CDH18: variants seen among roughly 807,000 people sequenced by gnomAD.
The protein encoded by CDH18 is cadherin-18.
Under a neutral mutation model 67.9 loss-of-function variants are expected in CDH18, and 31 were observed. The ratio of observed to expected loss-of-function variants is 0.46; its 90% CI spans 0.34 to 0.62. The LOEUF (loss-of-function observed/expected upper bound fraction) is 0.62, where lower values mean the gene tolerates loss of function less well. CDH18 is among the 20% of genes least tolerant of loss of function. The pLI is 0.01. For synonymous variants in CDH18, 362 were observed against 347.2 expected (o/e 1.04, Z -0.48); for missense variants, 890 against 975.5 (o/e 0.91, Z 1.17).
intron 4 of CDH18, among the ~76,000 whole-genome samples, chr5:19,729,147 CACTA>C (rs1287605603): frequency 1.3e-5 from 2 of 152,102 alleles, no homozygotes; most frequent in Non-Finnish European, 1.5e-5. Flanking sequence ...TTATTTATGG[CACTA>C]ACTAATGTGA....
intron 4 of CDH18, among the ~76,000 whole-genome samples, chr5:19,731,902 C>A (rs1767646538): frequency 6.6e-6 from 1 of 151,940 alleles, no homozygotes; most frequent in East Asian, 1.9e-4. Context: ...CCAGCCTGGG[C>A]AACATGGCAA....
At chr5:19,489,217 A>T (rs28640200) in intron 11 of CDH18, among the ~76,000 whole-genome samples, 26,718 of 151,250 alleles carry the variant, frequency 0.18, 2,561 homozygotes, top group African/African-American at 0.22. Flanking sequence ...GGAGATTAGT[A>T]ATCAATCTGT....
intron 2 of CDH18, among the ~76,000 whole-genome samples, chr5:20,226,807 G>A (rs1040461637): frequency 6.6e-6 from 1 of 151,920 alleles, no homozygotes; most frequent in Non-Finnish European, 1.5e-5. Context: ...AACTGTTTAA[G>A]TGTCAGCAGA....
intron 2 of CDH18, among the ~76,000 whole-genome samples, chr5:20,039,346 C>A (rs1740195599): frequency 6.6e-6 from 1 of 152,036 alleles, no homozygotes; most frequent in African/African-American, 2.4e-5. Context: ...AAAAAAACTA[C>A]TTTAAATTTC....
In CDH18 at chr5:19,926,037, T is replaced by C. The variant is rs528464398; in HGVS notation, c.-257+55023A>G. 4.5e-4 allele frequency among the ~76,000 whole-genome samples: 68 copies of C among 152,268 alleles called. 2 individuals are homozygous for C. Among genetic ancestry groups the C allele is most frequent in the Middle Eastern group, 3.4e-3 (1 of 294 alleles). On this transcript the variant is annotated intron_variant, in intron 2 of 12. Coordinates refer to ENST00000382275, the MANE Select transcript of CDH18 (RefSeq NM_004934.5). ...TCAACTTTTTTTTATTCATGACATA[T>C]CAACTTTAAAAATATTTTTACGGTA... is the stretch of plus-strand genomic sequence containing the variant.
At chr5:19,896,889 G>A (rs1789401738) in intron 2 of CDH18, among the ~76,000 whole-genome samples, 1 of 151,994 alleles carries the variant, frequency 6.6e-6, no homozygotes, top group South Asian at 2.1e-4. Flanking sequence ...GAGTACATGG[G>A]ATTTCTCTGT....
intron 1 of CDH18, among the ~76,000 whole-genome samples, chr5:20,547,105 C>T (rs1757384418): frequency 6.6e-6 from 1 of 152,040 alleles, no homozygotes; most frequent in Non-Finnish European, 1.5e-5. Context: ...AATCACCACG[C>T]TTTAAAACTG....
intron 8 of CDH18, among the ~76,000 whole-genome samples, chr5:19,561,170 A>T (rs1171091153): frequency 6.6e-6 from 1 of 152,176 alleles, no homozygotes; most frequent in Non-Finnish European, 1.5e-5. Context: ...ATCTACCCAT[A>T]GGAAAAGAAG....
chr5:19,966,713 G>C lies in CDH18; in HGVS notation c.-257+14347C>G, dbSNP rs1007266818. 1.2e-4 allele frequency among the ~76,000 whole-genome samples: 18 copies of C among 151,952 alleles called. 1 individual carries two copies. Among genetic ancestry groups the C allele is most frequent in the Middle Eastern group, 3.4e-3 (1 of 292 alleles). ...TTTTCTTTCCAATAGTAAACTACTA[G>C]TTATTATTTTCAAGAGTTATATATG... On this transcript the variant is annotated intron_variant, in intron 2 of 12. Coordinates refer to ENST00000382275, the MANE Select transcript of CDH18 (RefSeq NM_004934.5).
At position 19,690,509 on chromosome 5, in the gene CDH18, T is replaced by C. The variant is rs1320957605; in HGVS notation, c.643+30838A>G. On this transcript the variant is annotated intron_variant, in intron 5 of 12. Transcript: ENST00000382275. ...ACACAAAGTCAACCAAATGAAAAAT[T>C]TGTCTTTTAAAAAGATAAAGTCAGT... 2.6e-5 allele frequency among the ~76,000 whole-genome samples: 4 copies of C among 151,510 alleles called. No individual in the cohort carries two copies. In the East Asian group the frequency reaches 7.8e-4, roughly 29 times the overall value.
chr5:19,636,302 G>C (rs538767344), intron 5 of CDH18, among the ~76,000 whole-genome samples: 5 of 151,842 alleles, frequency 3.3e-5, no homozygotes, highest in African/African-American at 1.2e-4. Context: ...AAAGTGGTAT[G>C]GCTACCTCTA....
chr5:19,660,017 G>A (rs1378252695), intron 5 of CDH18, among the ~76,000 whole-genome samples: 1 of 151,980 alleles, frequency 6.6e-6, no homozygotes, highest in East Asian at 1.9e-4. Context: ...AAGCTAAAAT[G>A]TTTCAATTTT....
intron 2 of CDH18, among the ~76,000 whole-genome samples, chr5:20,029,822 A>G (rs1325081081): frequency 6.6e-6 from 1 of 152,208 alleles, no homozygotes; most frequent in Non-Finnish European, 1.5e-5. Context: ...AGTCCTATAT[A>G]TAAGAAGCAA....
intron 5 of CDH18, among the ~76,000 whole-genome samples, chr5:19,615,223 A>G (rs350673): frequency 1 from 151,725 of 151,990 alleles, 75,730 homozygotes; most frequent in Non-Finnish European, 1. Flanking sequence ...GACCCCTCCT[A>G]GAGACATATA....
At chr5:20,041,130 C>G (rs1394510126) in intron 2 of CDH18, among the ~76,000 whole-genome samples, 1 of 152,142 alleles carries the variant, frequency 6.6e-6, no homozygotes, top group Non-Finnish European at 1.5e-5. Flanking sequence ...CAACATGATT[C>G]TAGAATCGGG....
At chr5:19,806,015 A>G (rs551402521) in intron 3 of CDH18, among the ~76,000 whole-genome samples, 3 of 152,150 alleles carry the variant, frequency 2.0e-5, no homozygotes, top group Non-Finnish European at 4.4e-5. Context: ...CATTATTCTC[A>G]GGCCCACTTC....
chr5:19,558,181 C>T (rs565125193), intron 8 of CDH18, among the ~76,000 whole-genome samples: 2 of 152,012 alleles, frequency 1.3e-5, no homozygotes, highest in South Asian at 4.1e-4. Flanking sequence ...TAAATGCCTA[C>T]ATCAAAAAGT....
At chr5:20,321,951 A>G (rs1738073544) in intron 1 of CDH18, among the ~76,000 whole-genome samples, 1 of 152,052 alleles carries the variant, frequency 6.6e-6, no homozygotes, top group African/African-American at 2.4e-5. Context: ...TTTTTCATAT[A>G]TTTATCTTTC....
intron 2 of CDH18, among the ~76,000 whole-genome samples, chr5:19,904,036 G>A (rs1434097416): frequency 6.6e-6 from 1 of 151,930 alleles, no homozygotes. Flanking sequence ...CACTTTGGGA[G>A]GCCGAGGCAG....
Sources: gnomAD v4.1 joint callset for allele counts (sites outside exome capture counted in the v4.1 genomes callset) on GRCh38, gnomAD v4.1.1 for gene constraint, MANE v1.5 for transcripts, NCBI Gene and HGNC (gene_info 2026-07-23, HGNC 2026-07-21) for gene names.